DNTT: variants seen among roughly 807,000 people sequenced by gnomAD.
The protein encoded by DNTT is nucleosidetriphosphate:DNA deoxynucleotidylexotransferase.
A neutral mutation model predicts 60.9 loss-of-function variants in DNTT; 47 were observed. The observed-to-expected ratio is 0.77, with a 90% CI of 0.61 to 0.98. DNTT has a LOEUF of 0.98. Ranked by LOEUF, DNTT falls within the 50% of genes least tolerant of loss-of-function variation. The pLI is 0.00. For synonymous variants in DNTT, 224 were observed against 221.2 expected, an observed-to-expected ratio of 1.01 and a Z score of -0.11; for missense variants, 665 against 627.5, an observed-to-expected ratio of 1.06 and a Z score of -0.64.
chr10:96,329,259 C>T (rs931417108), intron 8 of DNTT, among the ~76,000 whole-genome samples: 219 of 152,238 alleles, frequency 1.4e-3, no homozygotes, highest in Non-Finnish European at 3.7e-4. Context: ...ATTCGAGGCA[C>T]TTCGTGCTGA....
chr10:96,306,300 AC>A (rs1844636444), intron 1 of DNTT, among the ~76,000 whole-genome samples: 1 of 152,032 alleles, frequency 6.6e-6, no homozygotes, highest in South Asian at 2.1e-4. Context: ...CACTATGTTG[AC>A]CAGGATGGTC....
In DNTT at chr10:96,328,681, T is replaced by G. The variant is rs1017283837; in HGVS notation, c.1008-44T>G. On this transcript the variant is annotated intron_variant, in intron 7 of 10. Coordinates refer to ENST00000371174, the MANE Select transcript of DNTT (RefSeq NM_004088.4). ...AAGGTGATTTTTTAAAAATGAAGAC[T>G]AATATCTAATTGATTTCCATTTTAT... 18 of 1,576,838 alleles carry G rather than the reference T, an allele frequency of 1.1e-5. No individual in the cohort carries two copies. In the African/African-American group the frequency reaches 2.2e-4, roughly 19 times the overall value.
At chr10:96,308,840 G>A (rs1053667086) in intron 1 of DNTT, among the ~76,000 whole-genome samples, 1 of 152,190 alleles carries the variant, frequency 6.6e-6, no homozygotes, top group Non-Finnish European at 1.5e-5. Context: ...TCTTAAGGGT[G>A]GGGGAGATTA....
chr10:96,314,641 T>C (rs1185218774), intron 1 of DNTT, among the ~76,000 whole-genome samples: 5 of 151,772 alleles, frequency 3.3e-5, no homozygotes, highest in African/African-American at 1.2e-4. Flanking sequence ...CTTGATCTCC[T>C]GACCTCATGA....
At chr10:96,307,222 A>G (rs931776852) in intron 1 of DNTT, among the ~76,000 whole-genome samples, 2 of 152,232 alleles carry the variant, frequency 1.3e-5, no homozygotes, top group African/African-American at 4.8e-5. Flanking sequence ...AACAAGGTCA[A>G]ATGATATCAA....
intron 1 of DNTT, among the ~76,000 whole-genome samples, chr10:96,305,873 C>T (rs12779564): frequency 0.1 from 15,715 of 152,086 alleles, 884 homozygotes; most frequent in South Asian, 0.15. Context: ...TCCTATGGCC[C>T]TTCTTCCACC....
chr10:96,332,553 A>G lies in DNTT; in HGVS notation c.1316A>G (p.Tyr439Cys), dbSNP rs1845019655. Residue 439 changes from tyrosine (Y) to cysteine (C), a missense_variant, in exon 9 of 11, where the codon TAC becomes TGC. Tyr to Cys is a radical substitution (Grantham distance 194). Transcript: ENST00000371174. ...CGTGTGGATTTAGTTCTGTGCCCCT[A>G]CGAGCGTCGTGCCTTTGCCCTGTTG... Reference protein sequence around the residue: ...AIRVDLVLCPYERRAFALLGW... With the variant: ...AIRVDLVLCPCERRAFALLGW... The G allele has an allele frequency of 6.2e-7, 1 of 1,614,040 alleles. No homozygotes were observed. The highest frequency in any genetic ancestry group is 1.7e-5 in the Admixed American group (1 of 60,008).
intron 2 of DNTT, 150 bp downstream of exon 2, chr10:96,318,676 T>G: frequency 1.1e-6 from 1 of 883,736 alleles, no homozygotes; most frequent in Non-Finnish European, 1.7e-6. Flanking sequence ...AGCTTCAGTC[T>G]CTTCCTTTAT....
At chr10:96,312,738 G>A (rs11598258) in intron 1 of DNTT, among the ~76,000 whole-genome samples, 15,690 of 152,180 alleles carry the variant, frequency 0.1, 891 homozygotes, top group South Asian at 0.16. Flanking sequence ...CACCAATGGA[G>A]CTTGTCAAAA....
At position 96,320,793 on chromosome 10, in the gene DNTT, G is replaced by T. The variant is rs773640645; in HGVS notation, c.678+5G>T. 29 of 1,612,980 alleles carry T rather than the reference G, an allele frequency of 1.8e-5. No individual in the cohort carries two copies. The African/African-American group carries it at 3.6e-4, about 20-fold the overall frequency. Reference sequence around the variant, plus strand: ...AAGGTGAAGGGTATCATAGAGGTAAGGGTGAAATGGGATTTGTCCCACTTC... The same window carrying T: ...AAGGTGAAGGGTATCATAGAGGTAATGGTGAAATGGGATTTGTCCCACTTC... On this transcript the variant is annotated splice_donor_5th_base_variant and intron_variant, in intron 4 of 10. Transcript: ENST00000371174.
chr10:96,319,445 C>A, intron 3 of DNTT, 55 bp downstream of exon 3: 1 of 1,589,474 alleles, frequency 6.3e-7, no homozygotes, highest in Non-Finnish European at 8.5e-7. Flanking sequence ...CAGCTTCTTT[C>A]TGTGGACCGC....
intron 1 of DNTT, among the ~76,000 whole-genome samples, chr10:96,313,524 G>A (rs1844746169): frequency 1.3e-5 from 2 of 152,230 alleles, no homozygotes; most frequent in Non-Finnish European, 2.9e-5. Flanking sequence ...GGTTGCTTGA[G>A]TCAGGCACAC....
At chr10:96,314,402 C>CTTTT (rs869059822) in intron 1 of DNTT, among the ~76,000 whole-genome samples, 997 of 53,068 alleles carry the variant, frequency 0.019, 181 homozygotes, top group Middle Eastern at 0.056. Flanking sequence ...TATCTCTTCC[C>CTTTT]TTTTTTTTTT....
At chr10:96,317,339 G>A (rs1466100974) in intron 1 of DNTT, among the ~76,000 whole-genome samples, 1 of 152,212 alleles carries the variant, frequency 6.6e-6, no homozygotes, top group Non-Finnish European at 1.5e-5. Flanking sequence ...ATGAGATGAT[G>A]TAGGTAAAGC....
intron 6 of DNTT, 37 bp downstream of exon 6, chr10:96,324,426 G>A: frequency 6.2e-7 from 1 of 1,610,884 alleles, no homozygotes; most frequent in South Asian, 1.1e-5. Context: ...GTTGCTATGG[G>A]CTGGTCGGGT....
At chr10:96,321,667 C>T (rs1301303070) in intron 4 of DNTT, among the ~76,000 whole-genome samples, 1 of 152,090 alleles carries the variant, frequency 6.6e-6, no homozygotes, top group Non-Finnish European at 1.5e-5. Context: ...AACTGCCAGA[C>T]CATCACGGAA....
At position 96,320,701 on chromosome 10, in the gene DNTT, A is replaced by T; in HGVS notation, c.591A>T (p.Val197=). The change falls in exon 4 of 11, where the codon GTA becomes GTT. Residue 197 remains valine, a synonymous_variant. Coordinates refer to ENST00000371174, the MANE Select transcript of DNTT (RefSeq NM_004088.4). ...TGACATTTATGAGAGCAGCTTCTGT[A>T]TTGAAATCTCTGCCATTCACAATCA... ...SCVTFMRAAS[V]LKSLPFTIIS... The T allele has an allele frequency of 6.2e-7, 1 of 1,613,884 alleles. No individual in the cohort carries two copies. Among genetic ancestry groups the T allele is most frequent in the Non-Finnish European group, 8.5e-7 (1 of 1,179,832 alleles).
At chr10:96,322,182 G>C (rs942788041) in intron 4 of DNTT, among the ~76,000 whole-genome samples, 58 of 152,136 alleles carry the variant, frequency 3.8e-4, no homozygotes, top group African/African-American at 1.3e-3. Context: ...CAAGTGCAAG[G>C]TATATTATTC....
At chr10:96,306,491 A>G (rs935687914) in intron 1 of DNTT, 2 of 152,248 alleles carry the variant, frequency 1.3e-5, no homozygotes, top group Admixed American at 6.5e-5. Flanking sequence ...GAAGGAAAGA[A>G]CCAGAAGCAC....
Sources: allele counts gnomAD v4.1 joint callset (sites outside exome capture counted in the v4.1 genomes callset), GRCh38; gene constraint gnomAD v4.1.1; transcripts MANE v1.5; gene names NCBI Gene and HGNC (gene_info 2026-07-23, HGNC 2026-07-21).